LIMS1: variants seen among roughly 807,000 people sequenced by gnomAD.
LIMS1 encodes LIM zinc finger domain containing 1, also known as LIM and senescent cell antigen-like-containing domain protein 1.
LIMS1 carries 18 observed loss-of-function variants against 44.1 expected under a neutral mutation model. The observed-to-expected ratio is 0.41, with a 90% CI of 0.28 to 0.61. LIMS1 has a LOEUF of 0.61. LIMS1 is among the 20% of genes least tolerant of loss of function. LIMS1 has a pLI of 0.32. For missense variants in LIMS1, 201 were observed against 422.0 expected (o/e 0.48, Z 4.59); for synonymous variants, 93 against 149.1 (o/e 0.62, Z 2.74).
chr2:108,622,859 T>A (rs1221633954), intron 1 of LIMS1, among the ~76,000 whole-genome samples: 4 of 152,126 alleles, frequency 2.6e-5, no homozygotes, highest in Non-Finnish European at 5.9e-5. Context: ...AAAAAAATTC[T>A]AAACCAACCT....
At chr2:108,572,247 A>G (rs1685502426) in intron 1 of LIMS1, among the ~76,000 whole-genome samples, 1 of 152,138 alleles carries the variant, frequency 6.6e-6, no homozygotes, top group Non-Finnish European at 1.5e-5. Flanking sequence ...TCACTGAAAT[A>G]CAACTTACAT....
At chr2:108,561,698 GT>G (rs1260929439) in intron 1 of LIMS1, among the ~76,000 whole-genome samples, 2 of 148,098 alleles carry the variant, frequency 1.4e-5, no homozygotes, top group Non-Finnish European at 3.0e-5. Context: ...AAACTTCTTT[GT>G]TATGATTATA....
chr2:108,643,615 C>T (rs1011422935), intron 1 of LIMS1, among the ~76,000 whole-genome samples: 4 of 151,752 alleles, frequency 2.6e-5, no homozygotes, highest in South Asian at 2.1e-4. Flanking sequence ...CCAGTGGTAG[C>T]GTTTGAGTTT....
At position 108,674,639 on chromosome 2, in the gene LIMS1, T is replaced by G. The variant is rs1247105542; in HGVS notation, c.531-1239T>G. Among the ~76,000 whole-genome samples the G allele has an allele frequency of 6.0e-4, 76 of 127,090 alleles. No individual in the cohort carries two copies. In the Middle Eastern group the frequency reaches 0.014, roughly 23 times the overall value. 83.4% of individuals were successfully genotyped at this position (127,090 alleles called of 152,430 possible). On this transcript the variant is annotated intron_variant, in intron 5 of 9. Coordinates refer to ENST00000544547, the Ensembl canonical transcript of LIMS1. ...GGGAGGCTGAGGCAGGAGAATGGCA[T>G]GAACCTGGGAGGTGGAGCTTGCAGT...
chr2:108,579,442 A>T (rs1361314353), intron 1 of LIMS1, among the ~76,000 whole-genome samples: 1 of 152,204 alleles, frequency 6.6e-6, no homozygotes, highest in Non-Finnish European at 1.5e-5. Flanking sequence ...GTTTTTAAAA[A>T]TTTTATTAAT....
chr2:108,578,587 A>ATTTTTT (rs575139291), intron 1 of LIMS1, among the ~76,000 whole-genome samples: 5 of 100,788 alleles, frequency 5.0e-5, no homozygotes, highest in Non-Finnish European at 5.9e-5. Flanking sequence ...AATGTAAATA[A>ATTTTTT]TTTTTTTTTT....
At chr2:108,552,592 G>GTGTGTGTTTGTA (rs1553451191) in intron 1 of LIMS1, among the ~76,000 whole-genome samples, 3 of 125,420 alleles carry the variant, frequency 2.4e-5, no homozygotes, top group Non-Finnish European at 5.0e-5. Context: ...TTGGGTGTGT[G>GTGTGTGTTTGTA]TGTGTGTGTG....
chr2:108,668,990 T>G (rs1318548130), intron 2 of LIMS1, among the ~76,000 whole-genome samples: 3 of 152,250 alleles, frequency 2.0e-5, no homozygotes, highest in Admixed American at 2.0e-4. Flanking sequence ...TCCCAGCTAC[T>G]CAAGAGGCTG....
intron 1 of LIMS1, among the ~76,000 whole-genome samples, chr2:108,553,015 C>G (rs1374394078): frequency 6.6e-6 from 1 of 152,180 alleles, no homozygotes; most frequent in South Asian, 2.1e-4. Context: ...GAAGTTTAAT[C>G]AGGATGGCTC....
chr2:108,644,552 A>G (rs577912200), intron 1 of LIMS1, among the ~76,000 whole-genome samples: 1 of 152,276 alleles, frequency 6.6e-6, no homozygotes, highest in East Asian at 1.9e-4. Flanking sequence ...AACCAGCACA[A>G]AAAGGCTGAA....
At chr2:108,678,782 C>T (rs1692745191) in intron 8 of LIMS1, among the ~76,000 whole-genome samples, 2 of 152,256 alleles carry the variant, frequency 1.3e-5, no homozygotes, top group South Asian at 4.1e-4. Context: ...AAGACTCCTA[C>T]AGGGGCAAAT....
At chr2:108,571,519 T>C (rs914179529) in intron 1 of LIMS1, among the ~76,000 whole-genome samples, 1 of 152,168 alleles carries the variant, frequency 6.6e-6, no homozygotes, top group Non-Finnish European at 1.5e-5. Context: ...AAAATAAACA[T>C]TGGCGTACAT....
intron 1 of LIMS1, among the ~76,000 whole-genome samples, chr2:108,563,688 A>T (rs150589211): frequency 8.7e-4 from 132 of 152,344 alleles, no homozygotes; most frequent in African/African-American, 3.0e-3. Flanking sequence ...ACATTATTGA[A>T]ATGATAACAA....
intron 1 of LIMS1, among the ~76,000 whole-genome samples, chr2:108,633,595 A>G (rs1456973977): frequency 6.6e-6 from 1 of 152,190 alleles, no homozygotes; most frequent in South Asian, 2.1e-4. Flanking sequence ...AGTTTTGATT[A>G]CATTTTTGCT....
intron 1 of LIMS1, among the ~76,000 whole-genome samples, chr2:108,600,957 A>G (rs1686983380): frequency 7.1e-6 from 1 of 140,772 alleles, no homozygotes; most frequent in Non-Finnish European, 1.5e-5. Flanking sequence ...TTTCTTTCAC[A>G]GAGTCTTACT....
At chr2:108,596,662 A>G (rs1334672562) in intron 1 of LIMS1, among the ~76,000 whole-genome samples, 1 of 152,282 alleles carries the variant, frequency 6.6e-6, no homozygotes, top group Non-Finnish European at 1.5e-5. Context: ...CATCTCAACT[A>G]AAAATACAAA....
chr2:108,596,805 A>G (rs1686719180), intron 1 of LIMS1, among the ~76,000 whole-genome samples: 1 of 151,690 alleles, frequency 6.6e-6, no homozygotes, highest in African/African-American at 2.4e-5. Flanking sequence ...GGACAACAAG[A>G]GCAAAACTCC....
intron 4 of LIMS1, 25 bp downstream of exon 4, chr2:108,672,470 G>C (rs1344702424): frequency 9.8e-6 from 6 of 610,966 alleles, no homozygotes; most frequent in African/African-American, 5.3e-5. Flanking sequence ...ATCCTTGTCA[G>C]ATGTGGGTGG....
intron 1 of LIMS1, among the ~76,000 whole-genome samples, chr2:108,547,470 A>G (rs1283589988): frequency 6.6e-6 from 1 of 152,200 alleles, no homozygotes; most frequent in African/African-American, 2.4e-5. Flanking sequence ...CAGATGCAGA[A>G]AGAGACAGGT....
Sources: gnomAD v4.1 joint callset for allele counts (sites outside exome capture counted in the v4.1 genomes callset) on GRCh38, gnomAD v4.1.1 for gene constraint, MANE v1.5 for transcripts, NCBI Gene and HGNC (gene_info 2026-07-23, HGNC 2026-07-21) for gene names.